The following PNPLA7 variants were observed in gnomAD, a reference collection of about 807,000 sequenced individuals.
PNPLA7 encodes the protein patatin like domain 7, lysophospholipase.
In PNPLA7, 153 loss-of-function variants were observed where a neutral mutation model predicts 161.7. The ratio of observed to expected loss-of-function variants is 0.95; its 90% CI spans 0.83 to 1.08. PNPLA7 has a LOEUF of 1.08. Among genes scored for constraint, PNPLA7 ranks in the 50% least tolerant of loss-of-function variants. PNPLA7 has a pLI of 0.00. For synonymous variants in PNPLA7, 809 were observed against 782.1 expected (o/e 1.03, Z -0.57); for missense variants, 1,739 against 1,856.6 (o/e 0.94, Z 1.16).
chr9:137,461,700 C>A lies in PNPLA7; in HGVS notation c.3757-80G>T, dbSNP rs1187933774. On this transcript the variant is annotated intron_variant, in intron 32 of 34. Coordinates refer to ENST00000406427, the MANE Select transcript of PNPLA7 (RefSeq NM_001098537.3). ...CAGCCTGCTTCCTGTGGGGAGGCCC[C>A]ACCCACCCTGCGCCCTCTCTGCAGC... 5 of 1,425,744 alleles carry A rather than the reference C, an allele frequency of 3.5e-6. No homozygotes were observed. The East Asian group carries it at 9.7e-5, about 28-fold the overall frequency. 88.3% of individuals were successfully genotyped at this position (1,425,744 alleles called of 1,614,324 possible). A position where few individuals can be genotyped will look rare whatever the true frequency, so the allele number is the denominator to read the frequency against.
chr9:137,464,526 G>A lies in PNPLA7; in HGVS notation c.3040-70C>T, dbSNP rs557243658. On this transcript the variant is annotated intron_variant, in intron 26 of 34. Coordinates refer to ENST00000406427, the MANE Select transcript of PNPLA7 (RefSeq NM_001098537.3). The stretch of plus-strand genomic sequence containing the variant: ...CGGGCTGCCACAGCAGACACGTGGC[G>A]TGCTGAGGGCCTCTCATGAATGGAA... 1.1e-4 allele frequency: 146 copies of A among 1,365,788 alleles called. No homozygotes were observed. The African/African-American group carries it at 1.2e-3, about 11-fold the overall frequency. The allele number at this position is 1,365,788 out of a possible 1,614,324, so 84.6% of individuals were successfully genotyped here.
In PNPLA7 at chr9:137,543,518, G is replaced by T. The variant is rs747580582; in HGVS notation, c.420C>A (p.Pro140=). 1 of 1,614,034 alleles carries T rather than the reference G, an allele frequency of 6.2e-7. No individual in the cohort carries two copies. The highest frequency in any genetic ancestry group is 1.3e-5 in the African/African-American group (1 of 75,074). The change falls in exon 6 of 35, where the codon CCC becomes CCA. Residue 140 remains proline, a synonymous_variant. Transcript: ENST00000406427. The surrounding 1 kb of genome is among the most constrained non-coding windows in gnomAD (Gnocchi z 6.9). ...YPALQPKEPP[P]SLLEADLTEF... is the part of the protein sequence containing the mutation. ...CCGTGAGGTCGGCCTCCAGCAGGGA[G>T]GGCGGGGGCTCCTTGGGCTGCAGGG...
At chr9:137,535,449 T>C (rs367811809) in intron 8 of PNPLA7, among the ~76,000 whole-genome samples, 3 of 152,264 alleles carry the variant, frequency 2.0e-5, no homozygotes, top group Non-Finnish European at 4.4e-5. Flanking sequence ...AGAACAAAGA[T>C]ACTTTTTTAA....
intron 11 of PNPLA7, chr9:137,516,434 C>T: frequency 3.0e-6 from 3 of 985,236 alleles, no homozygotes; most frequent in Non-Finnish European, 3.6e-6. Flanking sequence ...AGACCTCATC[C>T]AGGACAGCTG....
chr9:137,509,447 A>C (rs563125988), intron 12 of PNPLA7: 1 of 217,902 alleles, frequency 4.6e-6, no homozygotes, highest in East Asian at 1.2e-4. Flanking sequence ...AGCTGGTATG[A>C]ATGAGTTTAG....
At chr9:137,544,323 G>A (rs1836369653) in intron 4 of PNPLA7, among the ~76,000 whole-genome samples, 1 of 152,142 alleles carries the variant, frequency 6.6e-6, no homozygotes, top group African/African-American at 2.4e-5. Context: ...CCTGCATGCT[G>A]GCAGGGTCAC....
chr9:137,501,649 C>T lies in PNPLA7; in HGVS notation c.1551+1G>A. The T allele has an allele frequency of 6.2e-7, 1 of 1,612,046 alleles. No homozygotes were observed. Among genetic ancestry groups the T allele is most frequent in the Non-Finnish European group, 8.5e-7 (1 of 1,179,648 alleles). On this transcript the variant is annotated splice_donor_variant, in intron 15 of 34. Transcript: ENST00000406427. LOFTEE classifies it high-confidence loss of function. ...GTGCCCCCCCCCAGACCCCCGCTCA[C>T]CTGGTCTCCCTGCCTTGACACCACC...
chr9:137,502,685 A>AGGGGGATGTGGGAGATGAGGGGGACGG (rs1554767732), intron 14 of PNPLA7, among the ~76,000 whole-genome samples: 3 of 440 alleles, frequency 6.8e-3, no homozygotes, highest in East Asian at 0.1. Flanking sequence ...TCGGGAGATG[A>AGGGGGATGTGGGAGATGAGGGGGACGG]GGGGGACGGG....
rs1834633217 is a variant in PNPLA7 at position 137,517,137 on chromosome 9, C to T, written c.1085-1618G>A. Among the ~76,000 whole-genome samples, 4 of 146,220 alleles carry T rather than the reference C, an allele frequency of 2.7e-5. No homozygotes were observed. The South Asian group carries it at 9.1e-4, about 33-fold the overall frequency. On this transcript the variant is annotated intron_variant, in intron 11 of 34. Transcript: ENST00000406427. ...CTCACTCCACTCTGTCCACTCCATC[C>T]CCACTCACTCACTCCACTCTGCTCA...
intron 1 of PNPLA7, among the ~76,000 whole-genome samples, chr9:137,548,693 A>G (rs1836677720): frequency 6.6e-6 from 1 of 152,212 alleles, no homozygotes; most frequent in African/African-American, 2.4e-5. Flanking sequence ...GCTTGCAGTG[A>G]GCTGAGATTG....
At position 137,499,445 on chromosome 9, in the gene PNPLA7, C is replaced by T. The variant is rs184430703; in HGVS notation, c.1758-1200G>A. Among the ~76,000 whole-genome samples the T allele has an allele frequency of 3.7e-4, 57 of 152,326 alleles. No individual in the cohort carries two copies. The highest frequency in any genetic ancestry group is 1.2e-3 in the African/African-American group (51 of 41,554). Reference sequence around the variant, plus strand: ...CTGGGTGGTTCCTGTCCCTGCTCTTCGCCATCCGTCCTGATCTCCCTGGCA... The same window carrying T: ...CTGGGTGGTTCCTGTCCCTGCTCTTTGCCATCCGTCCTGATCTCCCTGGCA... On this transcript the variant is annotated intron_variant, in intron 16 of 34. Transcript: ENST00000406427. The surrounding 1 kb of genome is among the most constrained non-coding windows in gnomAD (Gnocchi z 5.5).
At chr9:137,461,484 G>A (rs1481854247) in intron 33 of PNPLA7, 52 bp downstream of exon 33, 2 of 1,539,098 alleles carry the variant, frequency 1.3e-6, no homozygotes, top group African/African-American at 2.7e-5. Context: ...GCCCAACACA[G>A]CATCAGGAGG....
At chr9:137,501,240 G>A (rs1364234200) in intron 15 of PNPLA7, among the ~76,000 whole-genome samples, 1 of 152,194 alleles carries the variant, frequency 6.6e-6, no homozygotes, top group East Asian at 1.9e-4. Context: ...CTCGCCTGGG[G>A]CCTGGCCTCT....
chr9:137,510,991 A>G (rs1433702240), intron 12 of PNPLA7, among the ~76,000 whole-genome samples: 1 of 152,282 alleles, frequency 6.6e-6, no homozygotes, highest in African/African-American at 2.4e-5. Flanking sequence ...TATTATAACC[A>G]AAGAAAAACC....
Position 137,472,442 on chromosome 9 carries a change from G to C in PNPLA7, c.2883-4969C>G, listed in dbSNP as rs1467520870. Among the ~76,000 whole-genome samples, 3 of 151,716 alleles carry C rather than the reference G, an allele frequency of 2.0e-5. No homozygotes were observed. The East Asian group carries it at 5.8e-4, about 29-fold the overall frequency. On this transcript the variant is annotated intron_variant, in intron 25 of 34. Transcript: ENST00000406427. ...GAGGTGGGCGGATCACTTGAGGTCAGGAGATCAAGACCAGCCTGGCCAACA... is the reference window on the plus strand; with the variant it reads ...GAGGTGGGCGGATCACTTGAGGTCACGAGATCAAGACCAGCCTGGCCAACA...
intron 4 of PNPLA7, among the ~76,000 whole-genome samples, chr9:137,545,963 C>T (rs1190045987): frequency 5.3e-5 from 8 of 152,040 alleles, no homozygotes; most frequent in Non-Finnish European, 8.8e-5. Flanking sequence ...TCAGAGATGA[C>T]TCTACCCCTC....
At chr9:137,503,871 GGAAGAAGAAAGAAGAAGGAA>G (rs1833711592) in intron 14 of PNPLA7, among the ~76,000 whole-genome samples, 1 of 26,866 alleles carries the variant, frequency 3.7e-5, no homozygotes, top group Admixed American at 4.6e-4. Flanking sequence ...GGAGGAGGAA[GGAAGAAGAAAGAAGAAGGAA>G]GAAGAAGAAG....
chr9:137,512,098 G>C (rs1014587154), intron 12 of PNPLA7, among the ~76,000 whole-genome samples: 1 of 152,148 alleles, frequency 6.6e-6, no homozygotes, highest in Non-Finnish European at 1.5e-5. Context: ...TCTTAGTCTC[G>C]TGTCTTATTT....
At chr9:137,538,935 C>T in intron 8 of PNPLA7, among the ~76,000 whole-genome samples, 1 of 152,094 alleles carries the variant, frequency 6.6e-6, no homozygotes, top group East Asian at 1.9e-4. Flanking sequence ...TCCTGTAATC[C>T]CAGGTACTCA....
Sources: allele counts gnomAD v4.1 joint callset (sites outside exome capture counted in the v4.1 genomes callset), GRCh38; gene constraint gnomAD v4.1.1; non-coding constraint Gnocchi (gnomAD v3.1); transcripts MANE v1.5; gene names NCBI Gene and HGNC (gene_info 2026-07-23, HGNC 2026-07-21).